GUCY1A1: variants seen among roughly 807,000 people sequenced by gnomAD.
GUCY1A1 encodes the protein guanylate cyclase soluble subunit alpha-1.
Under a neutral mutation model 64.5 loss-of-function variants are expected in GUCY1A1, and 48 were observed. The ratio of observed to expected loss-of-function variants is 0.74; its 90% CI spans 0.59 to 0.95. GUCY1A1 has a LOEUF of 0.95. Among genes scored for constraint, GUCY1A1 ranks in the 40% least tolerant of loss-of-function variants. The pLI is 0.00. For synonymous variants in GUCY1A1, 308 were observed against 303.4 expected (o/e 1.02, Z -0.16); for missense variants, 804 against 825.3 (o/e 0.97, Z 0.32).
intron 7 of GUCY1A1, among the ~76,000 whole-genome samples, chr4:155,716,669 A>T (rs950749678): frequency 7.2e-5 from 11 of 152,092 alleles, no homozygotes; most frequent in Admixed American, 2.6e-4. Context: ...CTTTACTCTT[A>T]TGACTATTAA....
rs544076144 is a variant in GUCY1A1 at position 155,697,179 on chromosome 4, G to GT, written c.255+62dup. The GT allele has an allele frequency of 2.0e-4, 270 of 1,370,872 alleles. 1 individual carries two copies. In the East Asian group the frequency reaches 3.6e-3, roughly 18 times the overall value. The allele number at this position is 1,370,872 out of a possible 1,614,324, so 84.9% of individuals were successfully genotyped here. On this transcript the variant is annotated intron_variant, in intron 3 of 9. Transcript: ENST00000506455. ...TAATACTTTGAAATTGTAGAAGAAT[G>GT]TTTTTCCAAGGAAAATTTAAACACT...
At chr4:155,729,985 G>A in intron 9 of GUCY1A1, 45 bp from the exon 10 acceptor site, 1 of 1,181,060 alleles carries the variant, frequency 8.5e-7, no homozygotes, top group Non-Finnish European at 1.3e-6. Flanking sequence ...TTCTTTTTTT[G>A]AGTGGACAAA....
chr4:155,688,966 C>T (rs1729380757), intron 2 of GUCY1A1, among the ~76,000 whole-genome samples: 1 of 151,072 alleles, frequency 6.6e-6, no homozygotes, highest in South Asian at 2.1e-4. Flanking sequence ...GTTATGGAGA[C>T]AAGAGAAAAA....
intron 2 of GUCY1A1, among the ~76,000 whole-genome samples, chr4:155,682,839 T>C (rs1338099178): frequency 6.6e-6 from 1 of 152,096 alleles, no homozygotes; most frequent in Non-Finnish European, 1.5e-5. Flanking sequence ...TACTGACAAC[T>C]CATTTTAAAA....
At chr4:155,698,353 C>T (rs1478301622) in intron 3 of GUCY1A1, among the ~76,000 whole-genome samples, 1 of 152,178 alleles carries the variant, frequency 6.6e-6, no homozygotes, top group East Asian at 1.9e-4. Context: ...TCTTACCACA[C>T]TCTAGTTGCT....
At chr4:155,687,805 C>T (rs540960954) in intron 2 of GUCY1A1, among the ~76,000 whole-genome samples, 16 of 152,172 alleles carry the variant, frequency 1.1e-4, no homozygotes, top group Non-Finnish European at 2.1e-4. Context: ...GCTACGCCAA[C>T]TCCACTGCCT....
In GUCY1A1 at chr4:155,710,837, C is replaced by A. The variant is rs966280292; in HGVS notation, c.672C>A (p.His224Gln). 2 of 1,613,942 alleles carry A rather than the reference C, an allele frequency of 1.2e-6. No individual in the cohort carries two copies. The highest frequency in any genetic ancestry group is 1.7e-5 in the Admixed American group (1 of 59,996). ...ILPGIIKAAA[H>Q]VLYETEVEVS... ...CCGGCATCATAAAGGCAGCTGCTCA[C>A]GTATTATATGAAACGGAAGTGGAAG... The change falls in exon 6 of 10, where the codon CAC becomes CAA. Residue 224 changes from histidine to glutamine, a missense_variant. Transcript: ENST00000506455.
intron 2 of GUCY1A1, among the ~76,000 whole-genome samples, chr4:155,668,807 T>C (rs1227292379): frequency 1.3e-5 from 2 of 152,216 alleles, no homozygotes; most frequent in South Asian, 2.1e-4. Context: ...GTTATACATA[T>C]AAGCTTTATT....
chr4:155,724,583 T>C (rs574967987), intron 9 of GUCY1A1, among the ~76,000 whole-genome samples: 18 of 152,232 alleles, frequency 1.2e-4, no homozygotes, highest in African/African-American at 3.6e-4. Flanking sequence ...AACTCCCTCA[T>C]TTAAACATTT....
chr4:155,732,535 C>A lies in GUCY1A1; in HGVS notation c.*2304C>A, dbSNP rs978910564. Reference sequence around the variant, plus strand: ...GAATATCTTTTTTTCTCTATCTTATCTGCTTTGAAGCATAGCGATTAGCGA... The same window carrying A: ...GAATATCTTTTTTTCTCTATCTTATATGCTTTGAAGCATAGCGATTAGCGA... On this transcript the variant is annotated 3_prime_UTR_variant, in exon 10 of 10. Coordinates refer to ENST00000506455, the MANE Select transcript of GUCY1A1 (RefSeq NM_001130682.3). 6.6e-6 allele frequency among the ~76,000 whole-genome samples: 1 copy of A among 151,848 alleles called. No homozygotes were observed. Among genetic ancestry groups the A allele is most frequent in the Non-Finnish European group, 1.5e-5 (1 of 67,870 alleles).
chr4:155,678,012 A>G (rs868321402), intron 2 of GUCY1A1, among the ~76,000 whole-genome samples: 4 of 152,242 alleles, frequency 2.6e-5, no homozygotes, highest in Middle Eastern at 3.4e-3. Context: ...TTTCAAAATA[A>G]TAAATTATTA....
intron 2 of GUCY1A1, among the ~76,000 whole-genome samples, chr4:155,681,961 G>A (rs945080247): frequency 5.3e-5 from 8 of 152,046 alleles, no homozygotes; most frequent in African/African-American, 1.9e-4. Context: ...TTTCTCTCAG[G>A]CCTACTGCTC....
At chr4:155,725,427 G>A (rs1182746995) in intron 9 of GUCY1A1, among the ~76,000 whole-genome samples, 1 of 151,988 alleles carries the variant, frequency 6.6e-6, no homozygotes, top group Non-Finnish European at 1.5e-5. Context: ...CTCTCTGTAG[G>A]CATTAAGAGG....
chr4:155,719,363 T>C (rs1353076965), intron 8 of GUCY1A1, among the ~76,000 whole-genome samples: 1 of 152,044 alleles, frequency 6.6e-6, no homozygotes, highest in African/African-American at 2.4e-5. Context: ...AACTTTAACA[T>C]GTATCAGAAA....
At chr4:155,672,775 A>G (rs1388488779) in intron 2 of GUCY1A1, among the ~76,000 whole-genome samples, 2 of 152,060 alleles carry the variant, frequency 1.3e-5, no homozygotes. Context: ...CAATGGTTGG[A>G]CTCTGTCAAC....
At chr4:155,699,576 C>T (rs528292742) in intron 3 of GUCY1A1, among the ~76,000 whole-genome samples, 3 of 152,210 alleles carry the variant, frequency 2.0e-5, no homozygotes, top group African/African-American at 7.2e-5. Context: ...AACTCCTCTC[C>T]AACTGAGATA....
intron 2 of GUCY1A1, among the ~76,000 whole-genome samples, chr4:155,677,341 T>G (rs1735095249): frequency 1.3e-5 from 2 of 152,192 alleles, no homozygotes; most frequent in African/African-American, 4.8e-5. Context: ...TTGGAAAATA[T>G]TGGTCCATTG....
chr4:155,675,298 G>T (rs1267549418), intron 2 of GUCY1A1, among the ~76,000 whole-genome samples: 1 of 151,432 alleles, frequency 6.6e-6, no homozygotes, highest in Non-Finnish European at 1.5e-5. Context: ...CTTTTAAATT[G>T]TGTATTTGTG....
chr4:155,727,903 T>A (rs889858566), intron 9 of GUCY1A1, among the ~76,000 whole-genome samples: 4 of 151,870 alleles, frequency 2.6e-5, no homozygotes, highest in Admixed American at 1.3e-4. Flanking sequence ...GAATATGTAC[T>A]CTCTGCAGAC....
Sources: gnomAD v4.1 joint callset for allele counts (sites outside exome capture counted in the v4.1 genomes callset) on GRCh38, gnomAD v4.1.1 for gene constraint, MANE v1.5 for transcripts, NCBI Gene and HGNC (gene_info 2026-07-23, HGNC 2026-07-21) for gene names.